KITLG: variants seen among roughly 807,000 people sequenced by gnomAD.
KITLG encodes c-Kit ligand.
Under a neutral mutation model 34.1 loss-of-function variants are expected in KITLG, and 13 were observed. The ratio of observed to expected loss-of-function variants is 0.38; its 90% confidence interval spans 0.25 to 0.61. The LOEUF is 0.61. Among genes scored for constraint, KITLG ranks in the 20% least tolerant of loss-of-function variants. The pLI is 0.60. For synonymous variants in KITLG, 110 were observed against 104.0 expected (o/e 1.06, Z -0.35); for missense variants, 292 against 318.9 (o/e 0.92, Z 0.64).
At chr12:88,578,869 T>C (rs1871916506) in intron 1 of KITLG, among the ~76,000 whole-genome samples, 1 of 152,250 alleles carries the variant, frequency 6.6e-6, no homozygotes, top group South Asian at 2.1e-4. Flanking sequence ...ATCAAGAGAT[T>C]ACAATAAAAC....
At chr12:88,547,705 G>A (rs1870763566) in intron 1 of KITLG, among the ~76,000 whole-genome samples, 1 of 152,148 alleles carries the variant, frequency 6.6e-6, no homozygotes, top group Admixed American at 6.5e-5. Flanking sequence ...CTCTGTAATG[G>A]ACCAATCTCA....
At chr12:88,536,412 T>A (rs950590247) in intron 2 of KITLG, among the ~76,000 whole-genome samples, 1 of 152,138 alleles carries the variant, frequency 6.6e-6, no homozygotes, top group Non-Finnish European at 1.5e-5. Context: ...TCAACCATTG[T>A]GGAAGATAGT....
chr12:88,563,778 T>A lies in KITLG; in HGVS notation c.15+16486A>T, dbSNP rs144702713. ...GAGTTCGAGACCAGCCTGGCCAACATGGGGAAACCCCACCTCTACTAAAAA... is the reference window on the plus strand; with the variant it reads ...GAGTTCGAGACCAGCCTGGCCAACAAGGGGAAACCCCACCTCTACTAAAAA... On this transcript the variant is annotated intron_variant, in intron 1 of 9. Transcript: ENST00000644744. Among the ~76,000 whole-genome samples, 988 of 152,240 alleles carry A rather than the reference T, an allele frequency of 6.5e-3. 5 individuals carry two copies. The highest frequency in any genetic ancestry group is 7.2e-3 in the Non-Finnish European group (491 of 68,010).
intron 9 of KITLG, among the ~76,000 whole-genome samples, chr12:88,500,106 A>G (rs1008970724): frequency 1.3e-5 from 2 of 152,172 alleles, no homozygotes; most frequent in African/African-American, 4.8e-5. Flanking sequence ...AACTCTTTAT[A>G]TGTGACTTCC....
chr12:88,553,475 A>G, intron 1 of KITLG, among the ~76,000 whole-genome samples: 1 of 151,984 alleles, frequency 6.6e-6, no homozygotes, highest in East Asian at 1.9e-4. Context: ...GCAGCTGTAT[A>G]TGACATTTTT....
chr12:88,534,585 T>G, intron 2 of KITLG: 1 of 425,358 alleles, frequency 2.4e-6, no homozygotes, highest in South Asian at 1.7e-5. Flanking sequence ...CAGTCTGGTC[T>G]CAAACTCCTG....
chr12:88,575,311 T>C (rs993738902), intron 1 of KITLG, among the ~76,000 whole-genome samples: 1 of 152,144 alleles, frequency 6.6e-6, no homozygotes, highest in Admixed American at 6.6e-5. Context: ...TAGTAAAATG[T>C]AGCCAAAGGA....
chr12:88,509,659 G>A (rs942529559), intron 6 of KITLG, among the ~76,000 whole-genome samples: 1 of 152,088 alleles, frequency 6.6e-6, no homozygotes, highest in Admixed American at 6.5e-5. Flanking sequence ...TGGGGGAAGC[G>A]CCCATAGGTT....
chr12:88,553,935 G>A (rs1168531398), intron 1 of KITLG, among the ~76,000 whole-genome samples: 4 of 152,140 alleles, frequency 2.6e-5, no homozygotes, highest in African/African-American at 9.7e-5. Context: ...AAGAAGATGA[G>A]GTTGAAGACC....
chr12:88,561,695 A>C (rs1871303757), intron 1 of KITLG, among the ~76,000 whole-genome samples: 1 of 152,206 alleles, frequency 6.6e-6, no homozygotes, highest in South Asian at 2.1e-4. Flanking sequence ...GACCTTCGGA[A>C]GACAGACTTG....
intron 3 of KITLG, 149 bp from the exon 4 acceptor site, chr12:88,519,016 C>G: frequency 1.4e-6 from 1 of 699,502 alleles, no homozygotes; most frequent in Non-Finnish European, 2.4e-6. Context: ...GTGCCTGCCA[C>G]CATGCCTGGC....
intron 9 of KITLG, among the ~76,000 whole-genome samples, chr12:88,502,268 G>A (rs565815566): frequency 2.3e-4 from 35 of 152,190 alleles, no homozygotes; most frequent in Middle Eastern, 6.8e-3. Context: ...TTATACATGA[G>A]TAATAATTCA....
intron 3 of KITLG, among the ~76,000 whole-genome samples, chr12:88,519,691 T>C (rs1869588870): frequency 6.6e-6 from 1 of 152,130 alleles, no homozygotes; most frequent in Non-Finnish European, 1.5e-5. Context: ...GGTGCAATCA[T>C]GGTTCACTGC....
intron 5 of KITLG, among the ~76,000 whole-genome samples, chr12:88,516,024 TAG>T (rs1305545584): frequency 6.6e-6 from 1 of 151,706 alleles, no homozygotes; most frequent in Admixed American, 6.6e-5. Flanking sequence ...GACCATTAAG[TAG>T]ACTGGAGGTA....
chr12:88,549,456 T>C (rs1870822125), intron 1 of KITLG, among the ~76,000 whole-genome samples: 1 of 152,146 alleles, frequency 6.6e-6, no homozygotes, highest in Non-Finnish European at 1.5e-5. Flanking sequence ...AGTGGTTAGA[T>C]TCTGGACATC....
chr12:88,526,188 G>C (rs565149050), intron 3 of KITLG, among the ~76,000 whole-genome samples: 11 of 152,142 alleles, frequency 7.2e-5, no homozygotes, highest in Non-Finnish European at 1.6e-4. Context: ...TAGTAAATGG[G>C]AACAATAAGC....
rs1868608108 is a variant in KITLG, at chr12:88,495,525, G to A, written c.*1694C>T. The A allele has an allele frequency of 6.6e-6, 1 of 152,490 alleles. No individual in the cohort carries two copies. The highest frequency in any genetic ancestry group is 6.6e-5 in the Admixed American group (1 of 15,234). 9.4% of individuals were successfully genotyped at this position (152,490 alleles called of 1,614,324 possible). A position where few individuals can be genotyped will look rare whatever the true frequency, so the allele number is the denominator to read the frequency against. On this transcript the variant is annotated 3_prime_UTR_variant, in exon 10 of 10. Transcript: ENST00000644744. ...AATTACTCATATTTAAGGAACCACAGCATGTTAGAGAAGAAAGGGACTGTA... is the reference window on the plus strand; with the variant it reads ...AATTACTCATATTTAAGGAACCACAACATGTTAGAGAAGAAAGGGACTGTA...
At chr12:88,501,101 T>G (rs538760082) in intron 9 of KITLG, among the ~76,000 whole-genome samples, 1 of 152,132 alleles carries the variant, frequency 6.6e-6, no homozygotes, top group Non-Finnish European at 1.5e-5. Flanking sequence ...AGGTGCAACT[T>G]TTTTTGTTGT....
chr12:88,575,985 G>T (rs531500148), intron 1 of KITLG, among the ~76,000 whole-genome samples: 1 of 152,198 alleles, frequency 6.6e-6, no homozygotes, highest in East Asian at 1.9e-4. Context: ...TGAATGCATG[G>T]CCTCACTCAG....
Sources: allele counts gnomAD v4.1 joint callset (sites outside exome capture counted in the v4.1 genomes callset), GRCh38; gene constraint gnomAD v4.1.1; transcripts MANE v1.5; gene names NCBI Gene and HGNC (gene_info 2026-07-23, HGNC 2026-07-21).